The following ACTN1 variants were observed in gnomAD, a reference collection of about 807,000 sequenced individuals.
ACTN1 encodes actinin alpha 1, also known as alpha-actinin-1.
In ACTN1, 30 loss-of-function variants were observed where a neutral mutation model predicts 119.6. That is an observed-to-expected ratio of 0.25 (90% CI 0.19 to 0.34). The LOEUF (loss-of-function observed/expected upper bound fraction) is 0.34, where lower values mean the gene tolerates loss of function less well. Ranked by LOEUF, ACTN1 falls within the 10% of genes least tolerant of loss-of-function variation. The probability of loss-of-function intolerance (pLI) is 1.00; values close to 1 mark genes in which losing one functional copy is unlikely to be tolerated. For missense variants in ACTN1, 764 were observed against 1,223.4 expected, an observed-to-expected ratio of 0.62 and a Z score of 5.60; for synonymous variants, 429 against 472.6, an observed-to-expected ratio of 0.91 and a Z score of 1.20.
chr14:68,875,148 T>C, intron 21 of ACTN1, 131 bp from the exon 22 acceptor site: 1 of 1,535,848 alleles, frequency 6.5e-7, no homozygotes, highest in Non-Finnish European at 8.7e-7. Context: ...CTCCTGTAAC[T>C]ACAGGATGTA....
intron 21 of ACTN1, chr14:68,875,260 C>T (rs917362007): frequency 1.9e-5 from 20 of 1,051,196 alleles, no homozygotes; most frequent in Non-Finnish European, 2.5e-5. Context: ...AGCCACTTTC[C>T]AATCTAATTC....
At chr14:68,875,451 G>A (rs1488857746) in intron 21 of ACTN1, among the ~76,000 whole-genome samples, 1 of 152,258 alleles carries the variant, frequency 6.6e-6, no homozygotes, top group Non-Finnish European at 1.5e-5. Flanking sequence ...GAGCCCTCCA[G>A]CAGATTAAGA....
chr14:68,928,451 G>A (rs756061193), intron 1 of ACTN1, among the ~76,000 whole-genome samples: 20 of 152,150 alleles, frequency 1.3e-4, no homozygotes, highest in African/African-American at 3.4e-4. Flanking sequence ...AGCAGCCACC[G>A]CAAAGTTTAG....
At position 68,885,141 on chromosome 14, in the gene ACTN1, C is replaced by T. The variant is rs2031888695; in HGVS notation, c.1386-258G>A. On this transcript the variant is annotated intron_variant, in intron 12 of 21. Transcript: ENST00000394419. The surrounding 1 kb of genome is among the most constrained non-coding windows in gnomAD (Gnocchi z 5.6). ...CACCTCAATGGCCAATGGCAGGGAG[C>T]CCTCGAGGCCCAACGAGAAAGCTCA... Among the ~76,000 whole-genome samples, 1 of 152,130 alleles carries T rather than the reference C, an allele frequency of 6.6e-6. No homozygotes were observed. Among genetic ancestry groups the T allele is most frequent in the Non-Finnish European group, 1.5e-5 (1 of 68,020 alleles).
chr14:68,883,150 A>T (rs1226167101), intron 14 of ACTN1, 95 bp from the exon 15 acceptor site: 1 of 1,292,942 alleles, frequency 7.7e-7, no homozygotes, highest in Non-Finnish European at 1.1e-6. Flanking sequence ...ACCAGCTGGG[A>T]GACCAGGAGG....
In ACTN1 at chr14:68,901,906, C is replaced by CA. The variant is rs202240965; in HGVS notation, c.762+570dup. 5.9e-3 allele frequency among the ~76,000 whole-genome samples: 896 copies of CA among 152,328 alleles called. 19 individuals are homozygous for CA. Among genetic ancestry groups the CA allele is most frequent in the Non-Finnish European group, 3.7e-3 (254 of 68,028 alleles). On this transcript the variant is annotated intron_variant, in intron 8 of 21. Transcript: ENST00000394419. Reference sequence around the variant, plus strand: ...GAGGTTCTGCTTATGTCTGAGAACACAGAGTGCAGCATGGCCGCATGGGAG... The same window carrying CA: ...GAGGTTCTGCTTATGTCTGAGAACACAAGAGTGCAGCATGGCCGCATGGGAG...
At position 68,885,606 on chromosome 14, in the gene ACTN1, T is replaced by C; in HGVS notation, c.1235-31A>G. 1 of 1,605,638 alleles carries C rather than the reference T, an allele frequency of 6.2e-7. No homozygotes were observed. The highest frequency in any genetic ancestry group is 8.5e-7 in the Non-Finnish European group (1 of 1,177,900). On this transcript the variant is annotated intron_variant, in intron 11 of 21. Transcript: ENST00000394419. The surrounding 1 kb of genome is among the most constrained non-coding windows in gnomAD (Gnocchi z 5.6). ...TTGAGAGAGGGCCACATGGCTGAGC[T>C]GGAGTGAGAAGCATCTCCTTGGTCC... is the stretch of plus-strand genomic sequence containing the variant.
intron 8 of ACTN1, among the ~76,000 whole-genome samples, chr14:68,894,748 G>A (rs2032752002): frequency 6.6e-6 from 1 of 152,126 alleles, no homozygotes; most frequent in Non-Finnish European, 1.5e-5. Context: ...TGCATCCTGA[G>A]ACCCTGGAGA....
intron 8 of ACTN1, among the ~76,000 whole-genome samples, chr14:68,898,972 A>C (rs541088392): frequency 7.0e-6 from 1 of 142,114 alleles, no homozygotes; most frequent in African/African-American, 2.7e-5. Flanking sequence ...CACACACACC[A>C]CACACGCCAC....
chr14:68,927,913 T>C (rs532160135), intron 1 of ACTN1, among the ~76,000 whole-genome samples: 202 of 152,328 alleles, frequency 1.3e-3, no homozygotes, highest in Non-Finnish European at 2.6e-3. Flanking sequence ...GCGTTGACAC[T>C]GGGGTGGGTG....
intron 1 of ACTN1, among the ~76,000 whole-genome samples, chr14:68,950,651 T>A (rs1425400355): frequency 1.3e-5 from 2 of 150,620 alleles, no homozygotes; most frequent in East Asian, 3.9e-4. Flanking sequence ...AAGCTCCGCC[T>A]CCCTGGTTCA....
At chr14:68,974,191 G>A (rs1165442943) in intron 1 of ACTN1, 1 of 152,726 alleles carries the variant, frequency 6.5e-6, no homozygotes, top group Non-Finnish European at 1.5e-5. Flanking sequence ...GTAGAGAGGT[G>A]TGGACTTGAG....
Position 68,957,340 on chromosome 14 carries a change from C to T in ACTN1, c.105+21612G>A, listed in dbSNP as rs562245596. ...CTGTGACCTCCAGCTGTGGTCCCTG[C>T]CCAGATCCCACCCAACTCAATGAAA... On this transcript the variant is annotated intron_variant, in intron 1 of 21. Transcript: ENST00000394419. Among the ~76,000 whole-genome samples, 321 of 152,322 alleles carry T rather than the reference C, an allele frequency of 2.1e-3. 2 individuals are homozygous for T. The highest frequency in any genetic ancestry group is 9.7e-3 in the South Asian group (47 of 4,828).
At position 68,909,313 on chromosome 14, in the gene ACTN1, CA is replaced by C. The variant is rs745775928; in HGVS notation, c.594+4del. On this transcript the variant is annotated splice_donor_region_variant and intron_variant, in intron 6 of 21. Transcript: ENST00000394419. This position sits in a 1 kb window ranked among gnomAD's most constrained non-coding sequence, Gnocchi z 4.1. ...CAAAGCGGGTGGTCAGGTGGGCACA[CA>C]TACCTTCCGCAGCTTCCCGTAGTCA... The C allele has an allele frequency of 3.1e-6, 5 of 1,613,872 alleles. No homozygotes were observed. The South Asian group carries it at 5.5e-5, about 18-fold the overall frequency.
chr14:68,885,563 A>T lies in ACTN1; in HGVS notation c.1247T>A (p.Met416Lys). The T allele has an allele frequency of 6.2e-7, 1 of 1,613,364 alleles. No individual in the cohort carries two copies. Among genetic ancestry groups the T allele is most frequent in the Non-Finnish European group, 8.5e-7 (1 of 1,179,952 alleles). The change falls in exon 12 of 22, where the codon ATG becomes AAG. Residue 416 changes from methionine (M) to lysine (K), a missense_variant. Around this residue, in one of 4 missense-constraint regions of ACTN1, gnomAD observed 544 missense variants for 912.0 expected, o/e 0.60. Coordinates refer to ENST00000394419, the MANE Select transcript of ACTN1 (RefSeq NM_001130004.2). The surrounding 1 kb of genome is among the most constrained non-coding windows in gnomAD (Gnocchi z 5.6). ...GGTCTCATAGTCCTTCTGTCGCAGC[A>T]TGGCCTCTTTGCCTGGGTTGAGAGA... is the stretch of plus-strand genomic sequence containing the variant. ...HEAWTDGKEA[M>K]LRQKDYETAT...
intron 1 of ACTN1, among the ~76,000 whole-genome samples, chr14:68,950,462 G>GTGTGTATATGTGTGTGTGTGTATA: frequency 1.6e-5 from 2 of 125,912 alleles, no homozygotes; most frequent in African/African-American, 8.2e-5. Context: ...ATGCGTGTGT[G>GTGTGTATATGTGTGTGTGTGTATA]TATATATATA....
chr14:68,896,393 T>C (rs2032883102), intron 8 of ACTN1, among the ~76,000 whole-genome samples: 1 of 151,714 alleles, frequency 6.6e-6, no homozygotes, highest in African/African-American at 2.4e-5. Flanking sequence ...TAAGATGAGG[T>C]CAGCTGGGAA....
At chr14:68,958,796 G>C (rs1359215746) in intron 1 of ACTN1, among the ~76,000 whole-genome samples, 3 of 152,176 alleles carry the variant, frequency 2.0e-5, no homozygotes, top group Non-Finnish European at 2.9e-5. Context: ...GCTGGTAAGG[G>C]GGACTTGCCC....
chr14:68,953,779 C>T (rs113684740), intron 1 of ACTN1, among the ~76,000 whole-genome samples: 63 of 151,200 alleles, frequency 4.2e-4, no homozygotes, highest in African/African-American at 1.5e-3. Flanking sequence ...CCCAGCTACT[C>T]GGGAGGCTGA....
Sources: gnomAD v4.1 joint callset for allele counts (sites outside exome capture counted in the v4.1 genomes callset) on GRCh38, gnomAD v4.1.1 for gene constraint, gnomAD v4.1.1 regional missense constraint, Gnocchi (gnomAD v3.1) non-coding constraint, MANE v1.5 for transcripts, NCBI Gene and HGNC (gene_info 2026-07-23, HGNC 2026-07-21) for gene names.